SPON1: variants seen among roughly 807,000 people sequenced by gnomAD.
SPON1 encodes the protein spondin 1, also known as spondin-1.
In SPON1, 52 loss-of-function variants were observed where a neutral mutation model predicts 111.7. The ratio of observed to expected loss-of-function variants is 0.47; its 90% CI spans 0.37 to 0.59. The LOEUF is 0.59. Among genes scored for constraint, SPON1 ranks in the 20% least tolerant of loss-of-function variants. SPON1 has a pLI of 0.00. For missense variants in SPON1, 957 were observed against 1,068.5 expected (o/e 0.90, Z 1.46); for synonymous variants, 410 against 395.8 (o/e 1.04, Z -0.43).
Position 14,265,833 on chromosome 11 carries a change from G to C in SPON1, c.*146G>C. The C allele has an allele frequency of 2.1e-6, 2 of 932,440 alleles. No homozygotes were observed. The highest frequency in any genetic ancestry group is 1.7e-5 in the South Asian group (1 of 58,224). The allele number at this position is 932,440 out of a possible 1,614,324, so 57.8% of individuals were successfully genotyped here. On this transcript the variant is annotated 3_prime_UTR_variant, in exon 16 of 16. Coordinates refer to ENST00000576479, the MANE Select transcript of SPON1 (RefSeq NM_006108.4). The stretch of plus-strand genomic sequence containing the variant: ...GCCCAGTAGTCTTGTGGATGCCAGA[G>C]ACATCCTTTCTGAATACTTCTTGAT...
intron 2 of SPON1, among the ~76,000 whole-genome samples, chr11:14,034,726 T>G (rs909985004): frequency 6.6e-6 from 1 of 152,126 alleles, no homozygotes; most frequent in African/African-American, 2.4e-5. Context: ...CAACCCTGGG[T>G]CTGAATCCAG....
chr11:14,221,617 G>A (rs1299763522), intron 6 of SPON1, among the ~76,000 whole-genome samples: 1 of 152,188 alleles, frequency 6.6e-6, no homozygotes, highest in Non-Finnish European at 1.5e-5. Context: ...TTAGGTAATA[G>A]GAAATGTCTA....
At chr11:14,207,570 T>G (rs1337775369) in intron 6 of SPON1, among the ~76,000 whole-genome samples, 1 of 152,026 alleles carries the variant, frequency 6.6e-6, no homozygotes, top group African/African-American at 2.4e-5. Context: ...ACAGATACTC[T>G]TCAAAAGAAG....
At chr11:14,242,844 G>A (rs952675616) in intron 6 of SPON1, among the ~76,000 whole-genome samples, 1 of 152,218 alleles carries the variant, frequency 6.6e-6, no homozygotes, top group Non-Finnish European at 1.5e-5. Context: ...CTCGTCCAAG[G>A]GAGTCTGATC....
At chr11:13,982,722 C>A in intron 1 of SPON1, 125 bp from the exon 2 acceptor site, 2 of 678,824 alleles carry the variant, frequency 2.9e-6, no homozygotes, top group Non-Finnish European at 5.2e-6. Flanking sequence ...AAGGCCTCAA[C>A]ACTGTCCACG....
At chr11:14,181,068 TC>T (rs1848231107) in intron 6 of SPON1, among the ~76,000 whole-genome samples, 1 of 152,158 alleles carries the variant, frequency 6.6e-6, no homozygotes, top group Admixed American at 6.5e-5. Context: ...CAAGTGGCCA[TC>T]AGCCCGAAGA....
intron 2 of SPON1, among the ~76,000 whole-genome samples, chr11:14,014,484 G>A (rs1307228554): frequency 6.6e-6 from 1 of 152,194 alleles, no homozygotes; most frequent in Admixed American, 6.5e-5. Context: ...AAGGAACTAT[G>A]GCAGGTTTCA....
chr11:14,060,890 C>A (rs752309097), intron 3 of SPON1, among the ~76,000 whole-genome samples: 1 of 151,718 alleles, frequency 6.6e-6, no homozygotes, highest in South Asian at 2.1e-4. Context: ...GTAGATACAA[C>A]GGTGAACAAG....
At chr11:14,004,170 T>G (rs190024929) in intron 2 of SPON1, among the ~76,000 whole-genome samples, 1 of 151,080 alleles carries the variant, frequency 6.6e-6, no homozygotes, top group African/African-American at 2.4e-5. Flanking sequence ...CACACACACA[T>G]ACACACACAC....
At chr11:14,018,346 T>A (rs1848457723) in intron 2 of SPON1, among the ~76,000 whole-genome samples, 1 of 152,134 alleles carries the variant, frequency 6.6e-6, no homozygotes, top group South Asian at 2.1e-4. Context: ...ATCCAGGTAG[T>A]CACTTAGGAA....
chr11:14,157,248 G>T (rs568781591), intron 6 of SPON1, among the ~76,000 whole-genome samples: 12 of 152,192 alleles, frequency 7.9e-5, no homozygotes, highest in Non-Finnish European at 1.5e-4. Context: ...TGCAGGCAAA[G>T]AATTCTCAGT....
intron 6 of SPON1, among the ~76,000 whole-genome samples, chr11:14,241,514 CG>C (rs1848926229): frequency 6.6e-6 from 1 of 152,052 alleles, no homozygotes; most frequent in African/African-American, 2.4e-5. Flanking sequence ...TGACTGGTGT[CG>C]GGGGTGAAGG....
chr11:14,010,686 C>T (rs1554913631), intron 2 of SPON1, among the ~76,000 whole-genome samples: 1 of 152,174 alleles, frequency 6.6e-6, no homozygotes, highest in Admixed American at 6.5e-5. Flanking sequence ...GATTGCCTGG[C>T]ATCTTTTTAC....
intron 5 of SPON1, among the ~76,000 whole-genome samples, chr11:14,107,383 G>A (rs1849192754): frequency 1.3e-5 from 2 of 152,122 alleles, no homozygotes; most frequent in South Asian, 4.2e-4. Context: ...CCTTTGAAGA[G>A]ATCTGTACAT....
intron 6 of SPON1, among the ~76,000 whole-genome samples, chr11:14,182,932 A>G (rs1261646012): frequency 6.6e-6 from 1 of 152,176 alleles, no homozygotes; most frequent in Non-Finnish European, 1.5e-5. Context: ...GAGACCAGCA[A>G]TTAGTTGCCG....
intron 3 of SPON1, among the ~76,000 whole-genome samples, chr11:14,070,962 T>A (rs782490845): frequency 6.6e-6 from 1 of 152,154 alleles, no homozygotes; most frequent in Admixed American, 6.5e-5. Flanking sequence ...GAAGATAACA[T>A]ACTGAGGAAT....
chr11:14,194,043 T>C (rs1848375014), intron 6 of SPON1, among the ~76,000 whole-genome samples: 2 of 152,142 alleles, frequency 1.3e-5, no homozygotes, highest in South Asian at 4.1e-4. Flanking sequence ...AAGGAACACG[T>C]TTTAGAAATA....
chr11:14,142,743 G>C (rs782116240), intron 6 of SPON1, among the ~76,000 whole-genome samples: 7 of 152,340 alleles, frequency 4.6e-5, no homozygotes, highest in Non-Finnish European at 8.8e-5. Context: ...AGGTGGTTTA[G>C]TGAAGTCTAG....
intron 6 of SPON1, among the ~76,000 whole-genome samples, chr11:14,213,042 G>A (rs1392617731): frequency 6.6e-6 from 1 of 152,190 alleles, no homozygotes; most frequent in Non-Finnish European, 1.5e-5. Context: ...GGGCTTCTGA[G>A]AGTGGGAAAT....
Sources: gnomAD v4.1 joint callset for allele counts (sites outside exome capture counted in the v4.1 genomes callset) on GRCh38, gnomAD v4.1.1 for gene constraint, MANE v1.5 for transcripts, NCBI Gene and HGNC (gene_info 2026-07-23, HGNC 2026-07-21) for gene names.